Variants in PRCD observed in about 807,000 individuals in gnomAD.
The protein encoded by PRCD is photoreceptor disk component PRCD.
In PRCD, 12 loss-of-function variants were observed where a neutral mutation model predicts 10.1. That is an observed-to-expected ratio of 1.18 (90% CI 0.76 to 1.92). PRCD has a LOEUF of 1.92. Among genes scored for constraint, PRCD ranks in the 40% most tolerant of loss-of-function variants. The pLI is 0.00. For synonymous variants in PRCD, 31 were observed against 26.2 expected (o/e 1.18, Z -0.56); for missense variants, 61 against 72.2 (o/e 0.84, Z 0.56).
chr17:76,542,611 C>T lies in PRCD; in HGVS notation c.*37C>T. ...TGCAGGTGGGGCTCAGGCCCAGAGA[C>T]TGGGATCAGCTGGCTCAGGCAGGTA... On this transcript the variant is annotated 3_prime_UTR_variant, in exon 3 of 5. Transcript: ENST00000592014. 1 of 1,613,198 alleles carries T rather than the reference C, an allele frequency of 6.2e-7. No homozygotes were observed. The highest frequency in any genetic ancestry group is 8.5e-7 in the Non-Finnish European group (1 of 1,179,114).
At chr17:76,552,983 T>C (rs1406487768) in intron 1 of PRCD, 4 of 150,380 alleles carry the variant, frequency 2.7e-5, no homozygotes, top group Admixed American at 2.0e-4. Flanking sequence ...ATATATGAAA[T>C]GTATAAATGT....
intron 4 of PRCD, 126 bp downstream of exon 4, chr17:76,543,247 G>A (rs2075013796): frequency 5.4e-6 from 2 of 367,216 alleles, no homozygotes; most frequent in Admixed American, 3.5e-5. Context: ...GCTCTCGGAC[G>A]GGCTTCCTTC....
At position 76,544,419 on chromosome 17, in the gene PRCD, T is replaced by TG; in HGVS notation, c.*774dup. The TG allele has an allele frequency of 2.2e-6, 1 of 454,438 alleles. No individual in the cohort carries two copies. Among genetic ancestry groups the TG allele is most frequent in the South Asian group, 1.6e-5 (1 of 64,446 alleles). 28.2% of individuals were successfully genotyped at this position (454,438 alleles called of 1,614,324 possible). A position where few individuals can be genotyped will look rare whatever the true frequency, so the allele number is the denominator to read the frequency against. Reference sequence around the variant, plus strand: ...GGAACCGCTGGGGAGGCGCTCAGGGTGGGGGAGGAGGTGCACCCCGCTGGG... The same window carrying TG: ...GGAACCGCTGGGGAGGCGCTCAGGGTGGGGGGAGGAGGTGCACCCCGCTGGG... On this transcript the variant is annotated 3_prime_UTR_variant, in exon 5 of 5. Coordinates refer to ENST00000592014, the MANE Select transcript of PRCD (RefSeq NM_001077620.3).
Position 76,531,739 on chromosome 17 carries a change from G to A in PRCD, n.45+3906G>A. On this transcript the variant is annotated intron_variant and non_coding_transcript_variant, in intron 1 of 4. Transcript: ENST00000397633. The surrounding 1 kb of genome is among the most constrained non-coding windows in gnomAD (Gnocchi z 7.4). Reference sequence around the variant, plus strand: ...TCGCTGAAGCTGGAGGCTGCCTCGGGCCCACCCTGAAGCTTCCAGGATAGT... The same window carrying A: ...TCGCTGAAGCTGGAGGCTGCCTCGGACCCACCCTGAAGCTTCCAGGATAGT... 1 of 1,512,296 alleles carries A rather than the reference G, an allele frequency of 6.6e-7. No individual in the cohort carries two copies. The highest frequency in any genetic ancestry group is 9.0e-7 in the Non-Finnish European group (1 of 1,109,214). The allele number at this position is 1,512,296 out of a possible 1,614,324, so 93.7% of individuals were successfully genotyped here.
In PRCD at chr17:76,540,254, GGGGGGGGGGCA is replaced by G; in HGVS notation, c.74+40_74+50del. ...CGGGCTATGGCTGGCGGTTGGTCGG[GGGGGGGGGGCA>G]TGGGGCTGGGCTGCCACCAAGCTGA... On this transcript the variant is annotated intron_variant, in intron 1 of 4. Transcript: ENST00000592014. The surrounding 1 kb of genome is among the most constrained non-coding windows in gnomAD (Gnocchi z 5.0). 2.3e-6 allele frequency: 2 copies of G among 887,856 alleles called. No homozygotes were observed. The highest frequency in any genetic ancestry group is 3.4e-6 in the Non-Finnish European group (2 of 589,564). The allele number at this position is 887,856 out of a possible 1,614,324, so 55.0% of individuals were successfully genotyped here.
rs1205153937 is a variant in PRCD, at chr17:76,540,906, C to T, written c.143+333C>T. On this transcript the variant is annotated intron_variant, in intron 2 of 4. Transcript: ENST00000592014. This position sits in a 1 kb window ranked among gnomAD's most constrained non-coding sequence, Gnocchi z 5.0. ...AGGAGTAGCTCTGTGTGGCTTTGCT[C>T]GCCTTTCCTTGCCCTTCCCCCTCCT... Among the ~76,000 whole-genome samples the T allele has an allele frequency of 1.3e-5, 2 of 152,208 alleles. No individual in the cohort carries two copies. Among genetic ancestry groups the T allele is most frequent in the African/African-American group, 4.8e-5 (2 of 41,442 alleles).
At chr17:76,542,451 T>G in intron 2 of PRCD, 102 bp from the exon 3 acceptor site, 4 of 1,343,716 alleles carry the variant, frequency 3.0e-6, no homozygotes, top group Non-Finnish European at 4.3e-6. Context: ...CCCCTCAATA[T>G]TGGGGTGAAT....
chr17:76,541,535 C>T (rs1351867113), intron 2 of PRCD, among the ~76,000 whole-genome samples: 1 of 152,150 alleles, frequency 6.6e-6, no homozygotes, highest in Admixed American at 6.5e-5. Flanking sequence ...TGTCTCCTGT[C>T]GTCTGAGTCC....
chr17:76,547,660 CACAT>C (rs1202873799), downstream of PRCD, among the ~76,000 whole-genome samples: 9 of 139,596 alleles, frequency 6.4e-5, no homozygotes, highest in South Asian at 2.3e-4. Context: ...CACACACACA[CACAT>C]ATTCACACAC....
intron 1 of PRCD, chr17:76,552,864 C>CAAAAAA (rs1169694716): frequency 2.3e-5 from 2 of 85,852 alleles, no homozygotes; most frequent in Non-Finnish European, 4.5e-5. Context: ...AGCTCTGTCT[C>CAAAAAA]AAAAAAAAAA....
At chr17:76,537,332 G>T (rs2074928795), upstream of PRCD, 2 of 1,466,390 alleles carry the variant, frequency 1.4e-6, no homozygotes, top group East Asian at 6.0e-5. Flanking sequence ...CCCGGGCCCA[G>T]CCCTCCTCTG....
chr17:76,548,014 A>G (rs1454612961), downstream of PRCD, among the ~76,000 whole-genome samples: 1 of 152,114 alleles, frequency 6.6e-6, no homozygotes, highest in Non-Finnish European at 1.5e-5. Context: ...TCACACATAC[A>G]CATGCATACA....
Position 76,528,583 on chromosome 17 carries a change from GC to G in PRCD, n.45+754del. On this transcript the variant is annotated intron_variant and non_coding_transcript_variant, in intron 1 of 4. Coordinates refer to the PRCD transcript ENST00000397633. The surrounding 1 kb of genome is among the most constrained non-coding windows in gnomAD (Gnocchi z 5.8). ...GGGGGGTGGAGTTAGGGGTCCTACG[GC>G]CCCGAAGAGGGCAGTGTGGCCGGTG... 1 of 1,287,216 alleles carries G rather than the reference GC, an allele frequency of 7.8e-7. No homozygotes were observed. The highest frequency in any genetic ancestry group is 9.9e-7 in the Non-Finnish European group (1 of 1,009,396). The allele number at this position is 1,287,216 out of a possible 1,614,324, so 79.7% of individuals were successfully genotyped here.
chr17:76,548,170 C>G (rs940224053), downstream of PRCD, among the ~76,000 whole-genome samples: 1 of 152,020 alleles, frequency 6.6e-6, no homozygotes, highest in African/African-American at 2.4e-5. Flanking sequence ...TACACACACA[C>G]ATATACACCG....
At chr17:76,542,253 G>A (rs1239556539) in intron 2 of PRCD, among the ~76,000 whole-genome samples, 1 of 152,192 alleles carries the variant, frequency 6.6e-6, no homozygotes, top group Non-Finnish European at 1.5e-5. Flanking sequence ...GGCCTGGCCT[G>A]GCGTGACTTA....
At chr17:76,547,992 TCACA>T (rs1296308489), downstream of PRCD, among the ~76,000 whole-genome samples, 6 of 147,524 alleles carry the variant, frequency 4.1e-5, no homozygotes, top group Admixed American at 2.0e-4. Context: ...ACATACACAT[TCACA>T]CACACATTCA....
In PRCD at chr17:76,533,390, A is replaced by G. The variant is rs1384665208; in HGVS notation, n.45+5557A>G. On this transcript the variant is annotated intron_variant and non_coding_transcript_variant, in intron 1 of 4. Transcript: ENST00000397633. This position sits in a 1 kb window ranked among gnomAD's most constrained non-coding sequence, Gnocchi z 4.5. ...TGTGAAAAACCCAATTTGGACTTAAACAAGCATCTCAGACTTTGGAGGTTT... is the reference window on the plus strand; with the variant it reads ...TGTGAAAAACCCAATTTGGACTTAAGCAAGCATCTCAGACTTTGGAGGTTT... Among the ~76,000 whole-genome samples, 1 of 152,226 alleles carries G rather than the reference A, an allele frequency of 6.6e-6. No individual in the cohort carries two copies. Among genetic ancestry groups the G allele is most frequent in the Non-Finnish European group, 1.5e-5 (1 of 68,028 alleles).
rs1379022108 is a variant in PRCD, at chr17:76,530,323, C to CG, written n.45+2491dup. On this transcript the variant is annotated intron_variant and non_coding_transcript_variant, in intron 1 of 4. Transcript: ENST00000397633. The surrounding 1 kb of genome is among the most constrained non-coding windows in gnomAD (Gnocchi z 6.1). ...GGGGGCTAGCCCTCCCCTCACGCTC[C>CG]GAGTCAGCAGGAGTCACAGAGGGCG... Among the ~76,000 whole-genome samples, 1 of 152,082 alleles carries CG rather than the reference C, an allele frequency of 6.6e-6. No individual in the cohort carries two copies. The highest frequency in any genetic ancestry group is 1.5e-5 in the Non-Finnish European group (1 of 68,014).
Position 76,530,079 on chromosome 17 carries a change from C to T in PRCD, n.45+2246C>T, listed in dbSNP as rs1316843426. On this transcript the variant is annotated intron_variant and non_coding_transcript_variant, in intron 1 of 4. Coordinates refer to the PRCD transcript ENST00000397633. The surrounding 1 kb of genome is among the most constrained non-coding windows in gnomAD (Gnocchi z 6.1). Reference sequence around the variant, plus strand: ...CCGTGCAGAGCCCGGCGGGAGACGCCGCCTTTTCCATGGGAAACTGCTGGG... The same window carrying T: ...CCGTGCAGAGCCCGGCGGGAGACGCTGCCTTTTCCATGGGAAACTGCTGGG... The T allele has an allele frequency of 4.1e-6, 4 of 984,404 alleles. No homozygotes were observed. Among genetic ancestry groups the T allele is most frequent in the African/African-American group, 1.7e-5 (1 of 57,178 alleles). The allele number at this position is 984,404 out of a possible 1,614,324, so 61.0% of individuals were successfully genotyped here. A position where few individuals can be genotyped will look rare whatever the true frequency, so the allele number is the denominator to read the frequency against.
Sources: allele counts gnomAD v4.1 joint callset (sites outside exome capture counted in the v4.1 genomes callset), GRCh38; gene constraint gnomAD v4.1.1; non-coding constraint Gnocchi (gnomAD v3.1); transcripts MANE v1.5; gene names NCBI Gene and HGNC (gene_info 2026-07-23, HGNC 2026-07-21).